Variants in RPS6KA2 observed in about 807,000 individuals in gnomAD.
RPS6KA2 encodes ribosomal protein S6 kinase A2.
A neutral mutation model predicts 91.8 loss-of-function variants in RPS6KA2; 42 were observed. The ratio of observed to expected loss-of-function variants is 0.46; its 90% CI spans 0.36 to 0.59. The LOEUF (loss-of-function observed/expected upper bound fraction) is 0.59, where lower values mean the gene tolerates loss of function less well. RPS6KA2 is among the 20% of genes least tolerant of loss of function. The pLI is 0.00. For synonymous variants in RPS6KA2, 414 were observed against 393.6 expected, an observed-to-expected ratio of 1.05 and a Z score of -0.61; for missense variants, 798 against 978.5, an observed-to-expected ratio of 0.82 and a Z score of 2.46.
chr6:166,758,456 T>C (rs1027608433), intron 2 of RPS6KA2, among the ~76,000 whole-genome samples: 3 of 152,266 alleles, frequency 2.0e-5, no homozygotes, highest in Non-Finnish European at 4.4e-5. Context: ...TCACTTGCCA[T>C]GGAGCCCTGC....
intron 1 of RPS6KA2, among the ~76,000 whole-genome samples, chr6:166,571,890 C>G (rs1182850165): frequency 6.6e-6 from 1 of 151,898 alleles, no homozygotes; most frequent in Non-Finnish European, 1.5e-5. Context: ...AAAATCAGAG[C>G]CAGGGACAAA....
intron 1 of RPS6KA2, among the ~76,000 whole-genome samples, chr6:166,541,630 C>A (rs1260358315): frequency 6.6e-6 from 1 of 152,216 alleles, no homozygotes; most frequent in African/African-American, 2.4e-5. Flanking sequence ...TTCACGCCTT[C>A]CTCAGCACTT....
In RPS6KA2 at chr6:166,507,097, G is replaced by A. The variant is rs188419648; in HGVS notation, c.459+1106C>T. ...AAGGTGGCGTGCGAAGACCACACCCGATGCTCCCGAACAGCCCCAATGTTC... is the reference window on the plus strand; with the variant it reads ...AAGGTGGCGTGCGAAGACCACACCCAATGCTCCCGAACAGCCCCAATGTTC... On this transcript the variant is annotated intron_variant, in intron 5 of 20. Transcript: ENST00000265678. Among the ~76,000 whole-genome samples the A allele has an allele frequency of 1.8e-4, 28 of 152,112 alleles. No individual in the cohort carries two copies. The East Asian group carries it at 4.7e-3, about 25-fold the overall frequency.
intron 1 of RPS6KA2, among the ~76,000 whole-genome samples, chr6:166,621,923 A>G (rs1314865602): frequency 6.6e-6 from 1 of 152,126 alleles, no homozygotes; most frequent in Non-Finnish European, 1.5e-5. Flanking sequence ...GAGAGTTCAT[A>G]CTTCTCCCAC....
intron 3 of RPS6KA2, among the ~76,000 whole-genome samples, chr6:166,520,314 T>C (rs1254062172): frequency 1.3e-5 from 2 of 152,312 alleles, no homozygotes; most frequent in East Asian, 1.9e-4. Flanking sequence ...CTGGAACTTA[T>C]ACCACCAGCT....
At position 166,418,076 on chromosome 6, in the gene RPS6KA2, C is replaced by A. The variant is rs1021710917; in HGVS notation, c.1938+149G>T. Reference sequence around the variant, plus strand: ...GCACTCCAGCCTGGGTGAGACAGAGCGAGACTCCATTTCAAGAAAAAAAAA... The same window carrying A: ...GCACTCCAGCCTGGGTGAGACAGAGAGAGACTCCATTTCAAGAAAAAAAAA... On this transcript the variant is annotated intron_variant, in intron 19 of 20. Coordinates refer to ENST00000265678, the MANE Select transcript of RPS6KA2 (RefSeq NM_021135.6). The surrounding 1 kb of genome is among the most constrained non-coding windows in gnomAD (Gnocchi z 4.9). The A allele has an allele frequency of 1.5e-4, 91 of 620,482 alleles. No homozygotes were observed. The highest frequency in any genetic ancestry group is 4.5e-4 in the Middle Eastern group (1 of 2,214). 38.4% of individuals were successfully genotyped at this position (620,482 alleles called of 1,614,324 possible). A position where few individuals can be genotyped will look rare whatever the true frequency, so the allele number is the denominator to read the frequency against.
At chr6:166,826,174 C>T (rs1406303073) in intron 2 of RPS6KA2, among the ~76,000 whole-genome samples, 2 of 152,180 alleles carry the variant, frequency 1.3e-5, no homozygotes, top group Non-Finnish European at 2.9e-5. Flanking sequence ...ATTTTTCACA[C>T]ATTTTTCTTT....
intron 2 of RPS6KA2, among the ~76,000 whole-genome samples, chr6:166,747,278 C>T (rs1393944088): frequency 1.3e-5 from 2 of 152,124 alleles, no homozygotes; most frequent in East Asian, 1.9e-4. Context: ...CATTCGTGTA[C>T]AAAGGACACT....
chr6:166,558,820 A>G (rs1417792025), intron 1 of RPS6KA2, among the ~76,000 whole-genome samples: 2 of 152,192 alleles, frequency 1.3e-5, no homozygotes, highest in Non-Finnish European at 2.9e-5. Flanking sequence ...TGGACACGTG[A>G]ACCCATGATG....
At position 166,626,988 on chromosome 6, in the gene RPS6KA2, C is replaced by G. The variant is rs200753346; in HGVS notation, c.32G>C (p.Arg11Pro). ...GCGCAGGTACACAGAGAAGAACCTG[C>G]GCACGGCGAACTTCTTCATGCTCAG... is the stretch of plus-strand genomic sequence containing the variant. MDLSMKKFAV[R>P]RFFSVYLRRK... The change falls in exon 1 of 21, where the codon CGC becomes CCC. Residue 11 changes from arginine to proline, a missense_variant. Arg to Pro is a moderately radical substitution (Grantham distance 103). Coordinates refer to ENST00000265678, the MANE Select transcript of RPS6KA2 (RefSeq NM_021135.6). This position sits in a 1 kb window ranked among gnomAD's most constrained non-coding sequence, Gnocchi z 4.1. 2.6e-6 allele frequency: 4 copies of G among 1,551,770 alleles called. No homozygotes were observed. Among genetic ancestry groups the G allele is most frequent in the African/African-American group, 2.8e-5 (2 of 70,948 alleles).
intron 10 of RPS6KA2, among the ~76,000 whole-genome samples, chr6:166,479,370 G>A (rs1228393387): frequency 6.6e-6 from 1 of 152,270 alleles, no homozygotes. Context: ...GGCGATGCTG[G>A]GGACAGGCGG....
chr6:166,826,867 A>G (rs1172674419), intron 2 of RPS6KA2, among the ~76,000 whole-genome samples: 2 of 152,292 alleles, frequency 1.3e-5, no homozygotes, highest in Middle Eastern at 3.4e-3. Context: ...CAGAAAGGCT[A>G]TATTTCTTGT....
chr6:166,421,328 A>C (rs950804450), intron 17 of RPS6KA2, among the ~76,000 whole-genome samples: 3 of 152,212 alleles, frequency 2.0e-5, no homozygotes, highest in Non-Finnish European at 4.4e-5. Context: ...GGAGACCAGA[A>C]TATGCCACCC....
chr6:166,604,169 T>G (rs1305765808), intron 1 of RPS6KA2, among the ~76,000 whole-genome samples: 1 of 152,178 alleles, frequency 6.6e-6, no homozygotes, highest in Non-Finnish European at 1.5e-5. Flanking sequence ...GACCAGCACA[T>G]TCCCCTGTGG....
chr6:166,592,693 G>A (rs1337363242), intron 1 of RPS6KA2, among the ~76,000 whole-genome samples: 1 of 72 alleles, frequency 0.014, no homozygotes, highest in Admixed American at 0.1. Context: ...GTACTACAGC[G>A]CTTCACTTCC....
In RPS6KA2 at chr6:166,767,511, G is replaced by A. The variant is rs1778345868; in HGVS notation, c.123+90689C>T. On this transcript the variant is annotated intron_variant, in intron 2 of 21. Transcript: ENST00000503859. The surrounding 1 kb of genome is among the most constrained non-coding windows in gnomAD (Gnocchi z 4.6). ...AATTAATTTTGTGACTCAGCTGAGG[G>A]CTGCTGCTGTCACCCAGGAGCCCTT... is the stretch of plus-strand genomic sequence containing the variant. Among the ~76,000 whole-genome samples the A allele has an allele frequency of 6.6e-6, 1 of 152,118 alleles. No individual in the cohort carries two copies. The highest frequency in any genetic ancestry group is 6.6e-5 in the Admixed American group (1 of 15,262).
chr6:166,815,499 A>G (rs1779738696), intron 2 of RPS6KA2, among the ~76,000 whole-genome samples: 1 of 152,212 alleles, frequency 6.6e-6, no homozygotes, highest in South Asian at 2.1e-4. Context: ...ATCTAAATTC[A>G]GACTAATACA....
chr6:166,730,523 C>A (rs1430499777), intron 2 of RPS6KA2, among the ~76,000 whole-genome samples: 1 of 152,112 alleles, frequency 6.6e-6, no homozygotes, highest in Admixed American at 6.5e-5. Flanking sequence ...CTGGTTGTTA[C>A]CTTAGAATGC....
In RPS6KA2 at chr6:166,858,042, A is replaced by G. The variant is rs150421667; in HGVS notation, c.123+158T>C. On this transcript the variant is annotated intron_variant, in intron 2 of 21. Transcript: ENST00000503859. ...ATAAGCACATGATATGTACATATGC[A>G]TATATACACGTTTGTGCATGTGTAT... 1.2e-3 allele frequency: 775 copies of G among 647,284 alleles called. 9 individuals are homozygous for G. In the East Asian group the frequency reaches 0.021, roughly 17 times the overall value. The allele number at this position is 647,284 out of a possible 1,614,324, so 40.1% of individuals were successfully genotyped here.
Sources: gnomAD v4.1 joint callset for allele counts (sites outside exome capture counted in the v4.1 genomes callset) on GRCh38, gnomAD v4.1.1 for gene constraint, Gnocchi (gnomAD v3.1) non-coding constraint, MANE v1.5 for transcripts, NCBI Gene and HGNC (gene_info 2026-07-23, HGNC 2026-07-21) for gene names.